The following SORBS2 variants were observed in gnomAD, a reference collection of about 807,000 sequenced individuals.
SORBS2 encodes the protein sorbin and SH3 domain containing 2.
SORBS2 carries 46 observed loss-of-function variants against 97.7 expected under a neutral mutation model. The observed-to-expected ratio is 0.47, with a 90% CI of 0.37 to 0.60. The LOEUF is 0.60. Among genes scored for constraint, SORBS2 ranks in the 20% least tolerant of loss-of-function variants. SORBS2 has a pLI of 0.00. For synonymous variants in SORBS2, 476 were observed against 473.4 expected, an observed-to-expected ratio of 1.01 and a Z score of -0.07; for missense variants, 1,316 against 1,282.3, an observed-to-expected ratio of 1.03 and a Z score of -0.40.
chr4:185,899,486 C>T (rs2099246530), intron 1 of SORBS2, among the ~76,000 whole-genome samples: 1 of 152,042 alleles, frequency 6.6e-6, no homozygotes, highest in Non-Finnish European at 1.5e-5. Flanking sequence ...GGGTGGAATG[C>T]GGTGGCGTGA....
intron 1 of SORBS2, among the ~76,000 whole-genome samples, chr4:185,907,002 G>T (rs1020969037): frequency 1.3e-5 from 2 of 152,082 alleles, no homozygotes; most frequent in African/African-American, 4.8e-5. Flanking sequence ...AGGGTGTGGT[G>T]GTGCGAGCCT....
chr4:185,876,716 T>A lies in SORBS2; in HGVS notation c.-338+79480A>T, dbSNP rs564825481. On this transcript the variant is annotated intron_variant, in intron 1 of 20. Transcript: ENST00000284776. ...GTCTTATGTACCATAATTCAAATTA[T>A]GGCAGAACTTGGAAGTAGAAAGTAG... 3.9e-5 allele frequency among the ~76,000 whole-genome samples: 6 copies of A among 152,370 alleles called. No individual in the cohort carries two copies. The South Asian group carries it at 1.2e-3, about 32-fold the overall frequency.
Position 185,809,364 on chromosome 4 carries a change from G to C in SORBS2, c.-337-33998C>G, listed in dbSNP as rs181375429. ...AGCAGGGTGGGGGACAGTGAGGGGG[G>C]ATGTCTAGCTGGACTTGAAGGGCGT... On this transcript the variant is annotated intron_variant, in intron 1 of 20. Coordinates refer to the SORBS2 transcript ENST00000284776. 4.2e-3 allele frequency among the ~76,000 whole-genome samples: 595 copies of C among 140,462 alleles called. 2 individuals are homozygous for C. The highest frequency in any genetic ancestry group is 0.015 in the African/African-American group (573 of 37,886). 92.1% of individuals were successfully genotyped at this position (140,462 alleles called of 152,430 possible).
At chr4:185,633,592 A>G (rs1321988539) in intron 4 of SORBS2, among the ~76,000 whole-genome samples, 1 of 152,086 alleles carries the variant, frequency 6.6e-6, no homozygotes, top group Admixed American at 6.5e-5. Context: ...CAGGAATTCA[A>G]TAGTTAACAA....
At chr4:185,883,074 A>T (rs2099237659) in intron 1 of SORBS2, among the ~76,000 whole-genome samples, 1 of 152,174 alleles carries the variant, frequency 6.6e-6, no homozygotes, top group Admixed American at 6.5e-5. Flanking sequence ...CCAAAATTAA[A>T]AACTTCTCTA....
rs545778230 is a variant in SORBS2 at position 185,601,948 on chromosome 4, G to A, written c.2797-8013C>T. Among the ~76,000 whole-genome samples the A allele has an allele frequency of 2.0e-5, 3 of 152,264 alleles. No individual in the cohort carries two copies. The South Asian group carries it at 6.2e-4, about 32-fold the overall frequency. Reference sequence around the variant, plus strand: ...TCCGCTGCAACTTGAGACCACATGCGGCAAGTCTCTTGCAAAATAGTCTCT... The same window carrying A: ...TCCGCTGCAACTTGAGACCACATGCAGCAAGTCTCTTGCAAAATAGTCTCT... On this transcript the variant is annotated intron_variant, in intron 12 of 14. Transcript: ENST00000418609.
intron 1 of SORBS2, among the ~76,000 whole-genome samples, chr4:185,782,374 T>A (rs1252657207): frequency 6.6e-6 from 1 of 152,238 alleles, no homozygotes; most frequent in Non-Finnish European, 1.5e-5. Flanking sequence ...CTAAAATAGA[T>A]TTCAATAAAA....
intron 1 of SORBS2, among the ~76,000 whole-genome samples, chr4:185,786,973 T>A: frequency 9.3e-6 from 1 of 107,608 alleles, no homozygotes; most frequent in African/African-American, 4.0e-5. Flanking sequence ...TTTTTGAGGC[T>A]CTGTCTCAAA....
chr4:185,763,475 C>G (rs2098916186), intron 2 of SORBS2, among the ~76,000 whole-genome samples: 2 of 152,192 alleles, frequency 1.3e-5, no homozygotes, highest in African/African-American at 4.8e-5. Context: ...TGCTCTTTGT[C>G]TAATTCCTTA....
intron 2 of SORBS2, among the ~76,000 whole-genome samples, chr4:185,765,377 T>C (rs2098928343): frequency 7.1e-6 from 1 of 140,436 alleles, no homozygotes; most frequent in Non-Finnish European, 1.6e-5. Context: ...TTTACACCTG[T>C]GGTTTTAAGT....
At chr4:185,613,446 G>A (rs1468523330) in intron 11 of SORBS2, among the ~76,000 whole-genome samples, 2 of 152,030 alleles carry the variant, frequency 1.3e-5, no homozygotes, top group Non-Finnish European at 1.5e-5. Flanking sequence ...TCAGGAGTTC[G>A]AGACCAGCCT....
chr4:185,643,072 G>A (rs2097153216), intron 4 of SORBS2, among the ~76,000 whole-genome samples: 1 of 152,186 alleles, frequency 6.6e-6, no homozygotes, highest in Non-Finnish European at 1.5e-5. Context: ...GGATACAACT[G>A]GTGGACCAGT....
At chr4:185,878,848 C>T (rs1232319026) in intron 1 of SORBS2, among the ~76,000 whole-genome samples, 1 of 152,172 alleles carries the variant, frequency 6.6e-6, no homozygotes, top group African/African-American at 2.4e-5. Context: ...CCAGCAGCGT[C>T]CCCGTCCACC....
At position 185,707,112 on chromosome 4, in the gene SORBS2, ATTACATATGTG is replaced by A. The variant is rs1248073345; in HGVS notation, c.-197-28301_-197-28291del. On this transcript the variant is annotated intron_variant, in intron 2 of 20. Coordinates refer to the SORBS2 transcript ENST00000284776. Reference sequence around the variant, plus strand: ...ATTTACAGATATTACATGTATATTAATTACATATGTGTTACATATATATTACATATTACACA... The same window carrying A: ...ATTTACAGATATTACATGTATATTAATTACATATATATTACATATTACACA... Among the ~76,000 whole-genome samples, 4 of 152,336 alleles carry A rather than the reference ATTACATATGTG, an allele frequency of 2.6e-5. No homozygotes were observed. In the East Asian group the frequency reaches 7.7e-4, roughly 29 times the overall value.
intron 4 of SORBS2, 62 bp downstream of exon 13, chr4:185,646,606 T>A (rs556826957): frequency 1.0e-6 from 1 of 978,472 alleles, no homozygotes; most frequent in African/African-American, 1.6e-5. Flanking sequence ...GAAATTCAGG[T>A]TTATTGGGGA....
intron 1 of SORBS2, among the ~76,000 whole-genome samples, chr4:185,785,657 G>T (rs535468018): frequency 6.6e-6 from 1 of 152,280 alleles, no homozygotes; most frequent in African/African-American, 2.4e-5. Flanking sequence ...TGTGGCCCTT[G>T]ACTCATAATT....
chr4:185,644,001 G>A (rs1353448674), intron 4 of SORBS2, among the ~76,000 whole-genome samples: 1 of 152,074 alleles, frequency 6.6e-6, no homozygotes, highest in Admixed American at 6.5e-5. Context: ...GGCCCACTTG[G>A]CTCTTTTTGT....
chr4:185,591,673 C>G (rs898705067), intron 13 of SORBS2, among the ~76,000 whole-genome samples: 4 of 152,144 alleles, frequency 2.6e-5, no homozygotes, highest in African/African-American at 9.7e-5. Flanking sequence ...CGGCATTTCT[C>G]ACTTTGGGAA....
intron 1 of SORBS2, among the ~76,000 whole-genome samples, chr4:185,891,927 C>T (rs899642757): frequency 3.3e-5 from 5 of 152,014 alleles, no homozygotes; most frequent in Admixed American, 2.6e-4. Context: ...ATCCACCTCC[C>T]GGGTTCAAGG....
Sources: allele counts gnomAD v4.1 joint callset (sites outside exome capture counted in the v4.1 genomes callset), GRCh38; gene constraint gnomAD v4.1.1; transcripts MANE v1.5; gene names NCBI Gene and HGNC (gene_info 2026-07-23, HGNC 2026-07-21).